Variants in TSPEAR observed in about 807,000 individuals in gnomAD.
TSPEAR encodes thrombospondin-type laminin G domain and EAR repeat-containing protein.
Under a neutral mutation model 71.6 loss-of-function variants are expected in TSPEAR, and 69 were observed. The ratio of observed to expected loss-of-function variants is 0.96; its 90% CI spans 0.79 to 1.18. The LOEUF is 1.18. Ranked by LOEUF, TSPEAR falls within the 50% of genes most tolerant of loss-of-function variation. The pLI, the probability that TSPEAR is intolerant of heterozygous loss-of-function variation, is 0.00. For synonymous variants in TSPEAR, 402 were observed against 387.2 expected (o/e 1.04, Z -0.45); for missense variants, 971 against 894.9 (o/e 1.09, Z -1.09).
chr21:44,545,654 C>T (rs2053292262), intron 2 of TSPEAR, among the ~76,000 whole-genome samples: 1 of 152,046 alleles, frequency 6.6e-6, no homozygotes, highest in Non-Finnish European at 1.5e-5. Flanking sequence ...CACTCTCAAA[C>T]AACCAAGGAG....
intron 1 of TSPEAR, among the ~76,000 whole-genome samples, chr21:44,606,527 A>G (rs1156718179): frequency 2.0e-5 from 3 of 152,224 alleles, no homozygotes; most frequent in Admixed American, 1.3e-4. Flanking sequence ...CTGGTTTTAT[A>G]TCTAAAATAA....
chr21:44,640,937 G>A (rs1334663005), intron 1 of TSPEAR, among the ~76,000 whole-genome samples: 1 of 152,148 alleles, frequency 6.6e-6, no homozygotes, highest in Non-Finnish European at 1.5e-5. Context: ...GTTGGCCCAG[G>A]AGACTCCCAG....
At position 44,579,895 on chromosome 21, in the gene TSPEAR, T is replaced by C. The variant is rs782123399; in HGVS notation, c.83-11890A>G. On this transcript the variant is annotated intron_variant, in intron 1 of 11. Transcript: ENST00000323084. Reference sequence around the variant, plus strand: ...TGGGCAGGCAGCAGGCGGGCCTGCATATGGGGCGGCAGAGGAGGGACACGG... The same window carrying C: ...TGGGCAGGCAGCAGGCGGGCCTGCACATGGGGCGGCAGAGGAGGGACACGG... 8.1e-6 allele frequency: 13 copies of C among 1,596,552 alleles called. No individual in the cohort carries two copies. Among genetic ancestry groups the C allele is most frequent in the African/African-American group, 1.4e-5 (1 of 73,506 alleles).
At chr21:44,531,996 G>GCCAT (rs1411273700) in intron 3 of TSPEAR, among the ~76,000 whole-genome samples, 1 of 152,254 alleles carries the variant, frequency 6.6e-6, no homozygotes, top group Non-Finnish European at 1.5e-5. Context: ...TCTGGCTGCA[G>GCCAT]CTGGCCGTGG....
chr21:44,613,310 C>A (rs587687935), intron 1 of TSPEAR, among the ~76,000 whole-genome samples: 1 of 152,338 alleles, frequency 6.6e-6, no homozygotes, highest in Non-Finnish European at 1.5e-5. Context: ...CTAGAAGTCA[C>A]AAGGGACAGT....
intron 1 of TSPEAR, among the ~76,000 whole-genome samples, chr21:44,701,100 T>C (rs1987626329): frequency 1.3e-5 from 2 of 152,148 alleles, no homozygotes; most frequent in South Asian, 4.1e-4. Flanking sequence ...ATTGATTAGA[T>C]TGCTGATTAA....
chr21:44,658,463 G>C (rs1985301679), intron 1 of TSPEAR: 1 of 607,574 alleles, frequency 1.6e-6, no homozygotes, highest in East Asian at 2.8e-5. Context: ...AGTCTTGGCT[G>C]CCAGAGTCCT....
At chr21:44,541,540 A>G (rs1204701451) in intron 2 of TSPEAR, among the ~76,000 whole-genome samples, 1 of 152,182 alleles carries the variant, frequency 6.6e-6, no homozygotes, top group Non-Finnish European at 1.5e-5. Flanking sequence ...TGAGTCCAAT[A>G]TTCCTTGTGG....
intron 2 of TSPEAR, among the ~76,000 whole-genome samples, chr21:44,536,714 A>T (rs2053096091): frequency 6.6e-6 from 1 of 152,198 alleles, no homozygotes; most frequent in Admixed American, 6.5e-5. Flanking sequence ...TAGAAATGGG[A>T]GTTTTAAAGA....
At chr21:44,501,248 G>A (rs1333212747) in intron 11 of TSPEAR, among the ~76,000 whole-genome samples, 2 of 152,046 alleles carry the variant, frequency 1.3e-5, no homozygotes, top group Non-Finnish European at 2.9e-5. Flanking sequence ...TCAGGAGTTC[G>A]AGAACAGCCT....
rs1555921082 is a variant in TSPEAR at position 44,561,833 on chromosome 21, AAAT to A, written c.303+5949_303+5951del. Among the ~76,000 whole-genome samples, 5 of 152,320 alleles carry A rather than the reference AAAT, an allele frequency of 3.3e-5. No individual in the cohort carries two copies. In the East Asian group the frequency reaches 9.6e-4, roughly 29 times the overall value. On this transcript the variant is annotated intron_variant, in intron 2 of 11. Transcript: ENST00000323084. ...CTAGATGTTAATAGAACATATCTCA[AAAT>A]AATAAGAGGTATTTATGATAAACCC...
chr21:44,638,713 C>G (rs1424049230), intron 1 of TSPEAR, among the ~76,000 whole-genome samples: 4 of 152,040 alleles, frequency 2.6e-5, no homozygotes, highest in Admixed American at 2.6e-4. Context: ...GCACGTGGCC[C>G]CCCGGCCCAT....
intron 1 of TSPEAR, chr21:44,702,363 C>T: frequency 6.2e-7 from 1 of 1,609,418 alleles, no homozygotes; most frequent in Non-Finnish European, 8.5e-7. Flanking sequence ...TGTCCAGCCC[C>T]TGCTGCCAGG....
chr21:44,579,695 G>C, intron 1 of TSPEAR: 1 of 1,556,354 alleles, frequency 6.4e-7, no homozygotes, highest in South Asian at 1.2e-5. Flanking sequence ...CTCCTAACCC[G>C]AGTCAGGACC....
chr21:44,596,117 T>C (rs1185729220), intron 1 of TSPEAR, among the ~76,000 whole-genome samples: 6 of 152,342 alleles, frequency 3.9e-5, no homozygotes, highest in South Asian at 4.1e-4. Flanking sequence ...GCTCATGTGA[T>C]TGTTGGCAGA....
Position 44,506,058 on chromosome 21 carries a change from C to G in TSPEAR, c.1755-1177G>C, listed in dbSNP as rs115729327. Among the ~76,000 whole-genome samples, 1 of 152,158 alleles carries G rather than the reference C, an allele frequency of 6.6e-6. No individual in the cohort carries two copies. Among genetic ancestry groups the G allele is most frequent in the Non-Finnish European group, 1.5e-5 (1 of 68,038 alleles). On this transcript the variant is annotated intron_variant, in intron 10 of 11. Coordinates refer to ENST00000323084, the MANE Select transcript of TSPEAR (RefSeq NM_144991.3). The surrounding 1 kb of genome is among the most constrained non-coding windows in gnomAD (Gnocchi z 4.2). Reference sequence around the variant, plus strand: ...TGTCTTCAGCTGTGAGGTCAGCGGCCGTGAGGTCACTCCAGGAGGTGCCTA... The same window carrying G: ...TGTCTTCAGCTGTGAGGTCAGCGGCGGTGAGGTCACTCCAGGAGGTGCCTA...
chr21:44,656,030 C>A lies in TSPEAR; in HGVS notation c.82+55403G>T, dbSNP rs149341631. Among the ~76,000 whole-genome samples the A allele has an allele frequency of 5.1e-3, 783 of 152,268 alleles. 1 individual carries two copies. The highest frequency in any genetic ancestry group is 8.2e-3 in the Non-Finnish European group (561 of 68,014). On this transcript the variant is annotated intron_variant, in intron 1 of 11. Coordinates refer to ENST00000323084, the MANE Select transcript of TSPEAR (RefSeq NM_144991.3). ...CTATGGACCCAGAGCCGATCTGTGGCCATGTGGGAGTCACCTTAAGGCCTA... is the reference window on the plus strand; with the variant it reads ...CTATGGACCCAGAGCCGATCTGTGGACATGTGGGAGTCACCTTAAGGCCTA...
intron 2 of TSPEAR, chr21:44,550,733 T>A (rs782665615): frequency 6.8e-6 from 11 of 1,613,778 alleles, no homozygotes; most frequent in African/African-American, 1.3e-5. Flanking sequence ...TGCAGGAGGC[T>A]GGGCGGGAGC....
chr21:44,602,190 CTTG>C (rs1980985878), intron 1 of TSPEAR: 1 of 208,908 alleles, frequency 4.8e-6, no homozygotes, highest in African/African-American at 2.3e-5. Flanking sequence ...GGAATTCATT[CTTG>C]TTGTTCACAA....
Sources: gnomAD v4.1 joint callset for allele counts (sites outside exome capture counted in the v4.1 genomes callset) on GRCh38, gnomAD v4.1.1 for gene constraint, Gnocchi (gnomAD v3.1) non-coding constraint, MANE v1.5 for transcripts, NCBI Gene and HGNC (gene_info 2026-07-23, HGNC 2026-07-21) for gene names.